B4GALT5: variants seen among roughly 807,000 people sequenced by gnomAD.
B4GALT5 encodes the protein beta-1,4-galactosyltransferase 5, also known as UDP-Gal:beta-GlcNAc beta-1,4-galactosyltransferase 5.
Under a neutral mutation model 45.0 loss-of-function variants are expected in B4GALT5, and 11 were observed. The observed-to-expected ratio is 0.24, with a 90% CI of 0.15 to 0.40. B4GALT5 has a LOEUF of 0.40. Ranked by LOEUF, B4GALT5 falls within the 10% of genes least tolerant of loss-of-function variation. The pLI, the probability that B4GALT5 is intolerant of heterozygous loss-of-function variation, is 1.00. For missense variants in B4GALT5, 337 were observed against 500.2 expected, an observed-to-expected ratio of 0.67 and a Z score of 3.11; for synonymous variants, 185 against 182.9, an observed-to-expected ratio of 1.01 and a Z score of -0.09.
rs1013897092 is a variant in B4GALT5, at chr20:49,689,914, T to TA, written c.115+23661dup. On this transcript the variant is annotated intron_variant, in intron 1 of 8. Coordinates refer to ENST00000371711, the MANE Select transcript of B4GALT5 (RefSeq NM_004776.4). ...TGTTTGTTTGGAGACGGGGTCTCGC[T>TA]ACGTTGCCCAGGCTGTCCTGGAACT... Among the ~76,000 whole-genome samples, 15 of 152,316 alleles carry TA rather than the reference T, an allele frequency of 9.8e-5. No homozygotes were observed. In the Middle Eastern group the frequency reaches 0.014, roughly 138 times the overall value.
intron 1 of B4GALT5, among the ~76,000 whole-genome samples, chr20:49,702,181 C>A (rs2085864835): frequency 6.6e-6 from 1 of 152,056 alleles, no homozygotes; most frequent in African/African-American, 2.4e-5. Flanking sequence ...CCTGCCGAAT[C>A]CGAATCTAAA....
chr20:49,684,600 C>T (rs774714592), intron 1 of B4GALT5: 1 of 517,776 alleles, frequency 1.9e-6, no homozygotes, highest in Non-Finnish European at 3.9e-6. Flanking sequence ...AAAGAGGCCA[C>T]ATATCAAGGA....
chr20:49,640,950 T>G (rs1313262847), intron 5 of B4GALT5, among the ~76,000 whole-genome samples: 1 of 152,144 alleles, frequency 6.6e-6, no homozygotes, highest in East Asian at 1.9e-4. Flanking sequence ...CCATCCCTAC[T>G]GAAAATACAA....
intron 7 of B4GALT5, 91 bp from the exon 8 acceptor site, chr20:49,637,533 G>A: frequency 2.2e-6 from 2 of 907,778 alleles, no homozygotes; most frequent in South Asian, 2.8e-5. Context: ...AGCTTACCCT[G>A]GAAATCACAC....
chr20:49,637,248 G>A, intron 8 of B4GALT5, 93 bp downstream of exon 8: 1 of 1,096,496 alleles, frequency 9.1e-7, no homozygotes. Flanking sequence ...CCTCGGGGTG[G>A]GGAGTAGGAG....
Position 49,643,508 on chromosome 20 carries a change from TG to T in B4GALT5, c.489+17del. The stretch of plus-strand genomic sequence containing the variant: ...CAGGTGGGCTTCTCAGCATTTTGGC[TG>T]TGACTTCACACCCTACCTTCCACCG... On this transcript the variant is annotated intron_variant, in intron 4 of 8. Coordinates refer to ENST00000371711, the MANE Select transcript of B4GALT5 (RefSeq NM_004776.4). The T allele has an allele frequency of 6.2e-7, 1 of 1,613,448 alleles. No homozygotes were observed. Among genetic ancestry groups the T allele is most frequent in the African/African-American group, 1.3e-5 (1 of 75,040 alleles).
rs1348841134 is a variant in B4GALT5 at position 49,635,317 on chromosome 20, G to T, written c.*995C>A. 1.3e-5 allele frequency: 2 copies of T among 150,934 alleles called. No individual in the cohort carries two copies. Among genetic ancestry groups the T allele is most frequent in the African/African-American group, 4.9e-5 (2 of 40,926 alleles). 9.3% of individuals were successfully genotyped at this position (150,934 alleles called of 1,614,324 possible). On this transcript the variant is annotated 3_prime_UTR_variant, in exon 9 of 9. Coordinates refer to ENST00000371711, the MANE Select transcript of B4GALT5 (RefSeq NM_004776.4). ...GATGTGTGTGCAGCGAGCCCCGAAG[G>T]GCCTGCTTTAGGCAGGAAGCAGCCT...
At chr20:49,686,575 C>A in intron 1 of B4GALT5, among the ~76,000 whole-genome samples, 1 of 151,834 alleles carries the variant, frequency 6.6e-6, no homozygotes, top group Non-Finnish European at 1.5e-5. Context: ...CTAGAATTTA[C>A]CATCAAATTG....
chr20:49,650,469 A>G (rs1174904624), intron 2 of B4GALT5, among the ~76,000 whole-genome samples: 1 of 151,332 alleles, frequency 6.6e-6, no homozygotes, highest in African/African-American at 2.4e-5. Context: ...AAAAAAAAAA[A>G]AAAAAAAAAA....
At chr20:49,654,914 C>A (rs1475105801) in intron 2 of B4GALT5, among the ~76,000 whole-genome samples, 1 of 151,980 alleles carries the variant, frequency 6.6e-6, no homozygotes, top group African/African-American at 2.4e-5. Context: ...CAAGACCAGA[C>A]TGGGCAACAT....
chr20:49,651,675 C>T (rs2085623441), intron 2 of B4GALT5, among the ~76,000 whole-genome samples: 1 of 152,194 alleles, frequency 6.6e-6, no homozygotes, highest in African/African-American at 2.4e-5. Context: ...ATATCATGGG[C>T]TTGCAGACCA....
chr20:49,637,336 C>G lies in B4GALT5; in HGVS notation c.1019+5G>C. ...TTCTAAGAGACAGAGATAAATTCCA[C>G]CAACCTTCCAAGAAACTGGACTTCT... On this transcript the variant is annotated splice_donor_5th_base_variant and intron_variant, in intron 8 of 8. Transcript: ENST00000371711. The G allele has an allele frequency of 6.2e-7, 1 of 1,611,210 alleles. No individual in the cohort carries two copies. The highest frequency in any genetic ancestry group is 8.5e-7 in the Non-Finnish European group (1 of 1,177,370).
At chr20:49,659,044 G>A (rs1365398684) in intron 1 of B4GALT5, among the ~76,000 whole-genome samples, 1 of 152,132 alleles carries the variant, frequency 6.6e-6, no homozygotes. Context: ...ATTTGAACCA[G>A]GTGTGTCTGT....
intron 1 of B4GALT5, among the ~76,000 whole-genome samples, chr20:49,678,274 C>T (rs1054116803): frequency 1.3e-5 from 2 of 152,204 alleles, no homozygotes. Flanking sequence ...TTACTAATTT[C>T]GCAGAGCAAG....
intron 1 of B4GALT5, among the ~76,000 whole-genome samples, chr20:49,672,069 A>G (rs1178323895): frequency 6.6e-6 from 1 of 152,184 alleles, no homozygotes; most frequent in Non-Finnish European, 1.5e-5. Flanking sequence ...AACTTCATCA[A>G]GCAAGTTTCC....
intron 2 of B4GALT5, 120 bp from the exon 3 acceptor site, chr20:49,647,198 T>C (rs1386380308): frequency 1.6e-6 from 1 of 618,906 alleles, no homozygotes; most frequent in African/African-American, 1.9e-5. Context: ...GAGACAGGAC[T>C]CTGGACTACC....
intron 1 of B4GALT5, among the ~76,000 whole-genome samples, chr20:49,704,257 T>C (rs953737732): frequency 3.3e-5 from 5 of 152,136 alleles, no homozygotes; most frequent in Admixed American, 3.3e-4. Context: ...TTCAACACAG[T>C]AGAATTAAGA....
At chr20:49,686,272 T>C (rs1318215905) in intron 1 of B4GALT5, among the ~76,000 whole-genome samples, 1 of 152,214 alleles carries the variant, frequency 6.6e-6, no homozygotes, top group African/African-American at 2.4e-5. Context: ...ACATTCCAAA[T>C]GGTTACTACT....
rs146027383 is a variant in B4GALT5 at position 49,637,245 on chromosome 20, G to A, written c.1019+96C>T. ...ACAGCTGTCAGAACAGGGCCTCGGG[G>A]TGGGGAGTAGGAGAAGGGGCTGTAA... On this transcript the variant is annotated intron_variant, in intron 8 of 8. Transcript: ENST00000371711. 1.9e-4 allele frequency: 208 copies of A among 1,069,748 alleles called. No individual in the cohort carries two copies. The African/African-American group carries it at 2.7e-3, about 14-fold the overall frequency. 66.3% of individuals were successfully genotyped at this position (1,069,748 alleles called of 1,614,324 possible).
Sources: gnomAD v4.1 joint callset for allele counts (sites outside exome capture counted in the v4.1 genomes callset) on GRCh38, gnomAD v4.1.1 for gene constraint, MANE v1.5 for transcripts, NCBI Gene and HGNC (gene_info 2026-07-23, HGNC 2026-07-21) for gene names.